MALRD1: variants seen among roughly 807,000 people sequenced by gnomAD.
MALRD1 encodes MAM and LDL receptor class A domain containing 1.
MALRD1 carries 247 observed loss-of-function variants against 242.1 expected under a neutral mutation model. That is an observed-to-expected ratio of 1.02 (90% confidence interval 0.92 to 1.13). The LOEUF (loss-of-function observed/expected upper bound fraction) is 1.13. Ranked by LOEUF, MALRD1 falls within the 50% of genes most tolerant of loss-of-function variation. The probability of loss-of-function intolerance (pLI) is 0.00; values close to 1 mark genes in which losing one functional copy is unlikely to be tolerated. For synonymous variants in MALRD1, 995 were observed against 866.6 expected (o/e 1.15, Z -2.60); for missense variants, 2,989 against 2,533.1 (o/e 1.18, Z -3.86).
intron 17 of MALRD1, among the ~76,000 whole-genome samples, chr10:19,208,014 A>G (rs1836863134): frequency 6.6e-6 from 1 of 152,170 alleles, no homozygotes; most frequent in African/African-American, 2.4e-5. Flanking sequence ...ACAAGATTTC[A>G]TCAGGCTGCT....
At chr10:19,143,865 G>T (rs140908907) in intron 10 of MALRD1, among the ~76,000 whole-genome samples, 1 of 152,196 alleles carries the variant, frequency 6.6e-6, no homozygotes, top group Non-Finnish European at 1.5e-5. Flanking sequence ...TTAGACCAGA[G>T]GGTTCTGTAA....
At chr10:19,560,329 G>A (rs899815922) in intron 32 of MALRD1, among the ~76,000 whole-genome samples, 5 of 152,148 alleles carry the variant, frequency 3.3e-5, no homozygotes, top group South Asian at 2.1e-4. Context: ...TTAGCTGGGC[G>A]TGGTGTCAGG....
At chr10:19,718,604 T>C (rs1834531519) in intron 38 of MALRD1, among the ~76,000 whole-genome samples, 2 of 152,158 alleles carry the variant, frequency 1.3e-5, no homozygotes, top group African/African-American at 4.8e-5. Flanking sequence ...TCGCATTTCA[T>C]CATGAGATTT....
rs533846440 is a variant in MALRD1 at position 19,155,078 on chromosome 10, C to T, written c.1562C>T (p.Ser521Leu). 1 of 1,231,136 alleles carries T rather than the reference C, an allele frequency of 8.1e-7. No individual in the cohort carries two copies. The highest frequency in any genetic ancestry group is 3.2e-5 in the East Asian group (1 of 31,678). The allele number at this position is 1,231,136 out of a possible 1,614,324, so 76.3% of individuals were successfully genotyped here. A position where few individuals can be genotyped will look rare whatever the true frequency, so the allele number is the denominator to read the frequency against. Residue 521 changes from serine (S) to leucine (L), a missense_variant, in exon 12 of 40, where the codon TCG becomes TTG. Transcript: ENST00000454679. ...ADHTANINHG[S>L]FIYLEAQRSP... ...GACTTTCCCTTTGTTTTTTCAGGAT[C>T]GTTTATTTATTTGGAGGCACAGCGC...
intron 36 of MALRD1, among the ~76,000 whole-genome samples, chr10:19,664,466 A>G (rs1264610181): frequency 2.6e-5 from 4 of 151,838 alleles, no homozygotes; most frequent in Non-Finnish European, 4.4e-5. Context: ...TTTCCTAGTA[A>G]TTCTGATGAT....
At chr10:19,495,966 A>G (rs935348217) in intron 30 of MALRD1, among the ~76,000 whole-genome samples, 6 of 152,208 alleles carry the variant, frequency 3.9e-5, no homozygotes, top group African/African-American at 1.2e-4. Context: ...ATAAAGATCA[A>G]GAAAGACAAT....
At chr10:19,103,837 G>A (rs1247624155) in intron 4 of MALRD1, 142 bp from the exon 5 acceptor site, 6 of 413,266 alleles carry the variant, frequency 1.5e-5, no homozygotes, top group Non-Finnish European at 2.5e-5. Flanking sequence ...TGATTTCTTT[G>A]CACCTGGAAT....
intron 21 of MALRD1, among the ~76,000 whole-genome samples, chr10:19,307,960 T>C (rs1588887491): frequency 6.6e-6 from 1 of 151,544 alleles, no homozygotes; most frequent in South Asian, 2.1e-4. Context: ...GATACAGGCA[T>C]GAAATGAGAA....
chr10:19,337,142 A>G (rs563170680), intron 24 of MALRD1, among the ~76,000 whole-genome samples: 1 of 152,116 alleles, frequency 6.6e-6, no homozygotes, highest in South Asian at 2.1e-4. Context: ...TTTCATATAC[A>G]TATGTGTGTA....
Position 19,279,146 on chromosome 10 carries a change from C to G in MALRD1, c.3080-901C>G, listed in dbSNP as rs186589649. ...TTCGGAGCAGCCTGGGACCCTAGCT[C>G]TTTTTGTAATGAGTTGTTTGGCATG... On this transcript the variant is annotated intron_variant, in intron 19 of 39. Coordinates refer to ENST00000454679, the MANE Select transcript of MALRD1 (RefSeq NM_001142308.3). Among the ~76,000 whole-genome samples the G allele has an allele frequency of 4.3e-4, 65 of 152,248 alleles. 1 individual carries two copies. The South Asian group carries it at 0.011, about 27-fold the overall frequency.
At chr10:19,575,400 A>G (rs1836761240) in intron 33 of MALRD1, among the ~76,000 whole-genome samples, 2 of 152,076 alleles carry the variant, frequency 1.3e-5, no homozygotes, top group Admixed American at 6.6e-5. Flanking sequence ...TCTGCTACAC[A>G]TAGTGTCAGA....
At position 19,088,045 on chromosome 10, in the gene MALRD1, T is replaced by C. The variant is rs999029434; in HGVS notation, c.457T>C (p.Cys153Arg). Residue 153 changes from cysteine (C) to arginine (R), a missense_variant, in exon 4 of 40, where the codon TGC (cysteine) becomes CGC (arginine). Cys to Arg is a radical substitution (Grantham distance 180). Coordinates refer to ENST00000454679, the MANE Select transcript of MALRD1 (RefSeq NM_001142308.3). ...ACAGATTACATTTTATTACTTCTCC[T>C]GCCAAGTGAGTGGCAAATTAATGGT... ...DCQITFYYFS[C>R]QVSGKLMVGL... 3 of 1,233,558 alleles carry C rather than the reference T, an allele frequency of 2.4e-6. No individual in the cohort carries two copies. The South Asian group carries it at 1.2e-4, about 51-fold the overall frequency. The allele number at this position is 1,233,558 out of a possible 1,614,324, so 76.4% of individuals were successfully genotyped here.
intron 38 of MALRD1, among the ~76,000 whole-genome samples, chr10:19,696,255 A>T (rs1304405595): frequency 6.6e-6 from 1 of 152,172 alleles, no homozygotes; most frequent in African/African-American, 2.4e-5. Context: ...CATTCCTAGT[A>T]TGGGTTCCAA....
intron 36 of MALRD1, among the ~76,000 whole-genome samples, chr10:19,630,169 G>C (rs11818556): frequency 0.097 from 14,803 of 152,116 alleles, 1,801 homozygotes; most frequent in African/African-American, 0.28. Flanking sequence ...GTCCATCAGG[G>C]AAAAGAAGGA....
At chr10:19,572,001 C>G (rs979750203) in intron 33 of MALRD1, among the ~76,000 whole-genome samples, 6 of 152,252 alleles carry the variant, frequency 3.9e-5, no homozygotes, top group Admixed American at 2.0e-4. Flanking sequence ...TTACCACCAC[C>G]ACAAACTCCC....
chr10:19,675,334 A>G (rs896441955), intron 36 of MALRD1, among the ~76,000 whole-genome samples: 5 of 152,230 alleles, frequency 3.3e-5, no homozygotes, highest in African/African-American at 1.2e-4. Flanking sequence ...AATGACAAGC[A>G]GACAAGCAGT....
At chr10:19,295,424 A>G (rs1430688000) in intron 21 of MALRD1, among the ~76,000 whole-genome samples, 1 of 151,178 alleles carries the variant, frequency 6.6e-6, no homozygotes, top group Non-Finnish European at 1.5e-5. Context: ...GTACTAATGA[A>G]GTTCACCATT....
At chr10:19,371,115 A>C (rs998697606) in intron 26 of MALRD1, among the ~76,000 whole-genome samples, 5 of 150,934 alleles carry the variant, frequency 3.3e-5, no homozygotes, top group Admixed American at 2.0e-4. Flanking sequence ...AAAAAAGAAA[A>C]AGCCAGGTGT....
chr10:19,288,846 G>A (rs1052152834), intron 21 of MALRD1, among the ~76,000 whole-genome samples: 4 of 152,068 alleles, frequency 2.6e-5, no homozygotes, highest in Admixed American at 2.6e-4. Flanking sequence ...CTGCTTCAAA[G>A]AAAACTAATG....
Sources: allele counts gnomAD v4.1 joint callset (sites outside exome capture counted in the v4.1 genomes callset), GRCh38; gene constraint gnomAD v4.1.1; transcripts MANE v1.5; gene names NCBI Gene and HGNC (gene_info 2026-07-23, HGNC 2026-07-21).